Variants in MARCHF11 observed in about 807,000 individuals in gnomAD.
The protein encoded by MARCHF11 is membrane associated ring-CH-type finger 11, also known as E3 ubiquitin-protein ligase MARCHF11.
A neutral mutation model predicts 37.3 loss-of-function variants in MARCHF11; 29 were observed. The observed-to-expected ratio is 0.78, with a 90% confidence interval of 0.58 to 1.06. The LOEUF (loss-of-function observed/expected upper bound fraction) is 1.06, where lower values mean the gene tolerates loss of function less well. Among genes scored for constraint, MARCHF11 ranks in the 50% least tolerant of loss-of-function variants. MARCHF11 has a pLI of 0.00. For missense variants in MARCHF11, 482 were observed against 533.4 expected (o/e 0.90, Z 0.95); for synonymous variants, 233 against 228.0 (o/e 1.02, Z -0.20).
At chr5:16,102,653 C>T (rs1218780225) in intron 2 of MARCHF11, among the ~76,000 whole-genome samples, 1 of 152,228 alleles carries the variant, frequency 6.6e-6, no homozygotes, top group African/African-American at 2.4e-5. Flanking sequence ...CTGAGAGCCA[C>T]TTCCATTGCT....
intron 2 of MARCHF11, among the ~76,000 whole-genome samples, chr5:16,095,721 G>A (rs1001903954): frequency 3.3e-5 from 5 of 152,002 alleles, no homozygotes; most frequent in African/African-American, 9.7e-5. Context: ...AGGATTCTTC[G>A]ATCTGGGCCC....
At chr5:16,171,756 C>G (rs182924453) in intron 2 of MARCHF11, among the ~76,000 whole-genome samples, 113 of 152,078 alleles carry the variant, frequency 7.4e-4, no homozygotes, top group Non-Finnish European at 1.4e-3. Flanking sequence ...CAAATGTTAT[C>G]AAGTGAAGAC....
chr5:16,141,601 A>T (rs1737708942), intron 2 of MARCHF11: 1 of 152,226 alleles, frequency 6.6e-6, no homozygotes, highest in South Asian at 2.1e-4. Context: ...ATCAAATAAA[A>T]ATGTGAGAGA....
At chr5:16,120,641 TG>T (rs1737294807) in intron 2 of MARCHF11, among the ~76,000 whole-genome samples, 1 of 152,238 alleles carries the variant, frequency 6.6e-6, no homozygotes, top group Admixed American at 6.5e-5. Flanking sequence ...ACTGCAAAAC[TG>T]GCCACATGAG....
At chr5:16,142,884 C>CTTTTTTTT (rs61225598) in intron 2 of MARCHF11, among the ~76,000 whole-genome samples, 4 of 52,212 alleles carry the variant, frequency 7.7e-5, no homozygotes, top group African/African-American at 9.2e-5. Flanking sequence ...CCACACCTGG[C>CTTTTTTTT]TTTTTTTTTT....
At chr5:16,157,916 T>C in intron 2 of MARCHF11, among the ~76,000 whole-genome samples, 1 of 151,664 alleles carries the variant, frequency 6.6e-6, no homozygotes, top group African/African-American at 2.4e-5. Context: ...TGAGAGAAAA[T>C]ATTTCCAAAC....
At chr5:16,111,322 A>C (rs193089997) in intron 2 of MARCHF11, among the ~76,000 whole-genome samples, 464 of 152,338 alleles carry the variant, frequency 3.0e-3, no homozygotes, top group Middle Eastern at 0.01. Context: ...GCTTTGACTA[A>C]AATGCCAACA....
At chr5:16,096,915 T>C (rs904174592) in intron 2 of MARCHF11, among the ~76,000 whole-genome samples, 1 of 152,228 alleles carries the variant, frequency 6.6e-6, no homozygotes, top group African/African-American at 2.4e-5. Context: ...GGAATTAGGC[T>C]GAACTCTGAG....
Position 16,179,493 on chromosome 5 carries a change from G to A in MARCHF11, c.83C>T (p.Pro28Leu), listed in dbSNP as rs1738434168. The A allele has an allele frequency of 2.6e-6, 3 of 1,156,954 alleles. No individual in the cohort carries two copies. Among genetic ancestry groups the A allele is most frequent in the African/African-American group, 3.3e-5 (2 of 61,168 alleles). The allele number at this position is 1,156,954 out of a possible 1,614,324, so 71.7% of individuals were successfully genotyped here. The change falls in exon 1 of 4, where the codon CCG (proline) becomes CTG (leucine). Residue 28 changes from proline to leucine, a missense_variant. Transcript: ENST00000332432. ...GDAEPPPQPP[P>L]PPPPTPPPGE... ...CGGCGGCGGCGTCGGCGGCGGCGGC[G>A]GGGGAGGTTGCGGGGGAGGCTCGGC...
At chr5:16,123,824 G>C (rs1429297655) in intron 2 of MARCHF11, among the ~76,000 whole-genome samples, 1 of 152,108 alleles carries the variant, frequency 6.6e-6, no homozygotes. Context: ...GTGCTCCCTT[G>C]CTATATTAAA....
intron 2 of MARCHF11, among the ~76,000 whole-genome samples, chr5:16,115,330 T>C (rs190899574): frequency 9.5e-4 from 144 of 152,320 alleles, no homozygotes; most frequent in African/African-American, 3.3e-3. Context: ...GAATCTCACA[T>C]TGTGGGTGCT....
intron 2 of MARCHF11, among the ~76,000 whole-genome samples, chr5:16,093,419 G>A (rs1560972572): frequency 1.3e-5 from 2 of 152,196 alleles, no homozygotes; most frequent in Non-Finnish European, 2.9e-5. Flanking sequence ...CGTGGTGTCT[G>A]TAGACATAGT....
chr5:16,142,145 G>T (rs984643979), intron 2 of MARCHF11, among the ~76,000 whole-genome samples: 1 of 152,164 alleles, frequency 6.6e-6, no homozygotes, highest in Non-Finnish European at 1.5e-5. Flanking sequence ...TTGAAGGGCT[G>T]GCTTCACTAT....
At chr5:16,113,836 T>C (rs1737186758) in intron 2 of MARCHF11, among the ~76,000 whole-genome samples, 1 of 152,216 alleles carries the variant, frequency 6.6e-6, no homozygotes, top group Non-Finnish European at 1.5e-5. Flanking sequence ...TGCTGTTAAG[T>C]ACAGTCTCCC....
intron 2 of MARCHF11, among the ~76,000 whole-genome samples, chr5:16,116,493 T>C (rs1737228536): frequency 1.3e-5 from 2 of 152,180 alleles, no homozygotes; most frequent in African/African-American, 4.8e-5. Flanking sequence ...AGAATTGTTA[T>C]TACAAGTGAT....
chr5:16,166,999 TTTA>T (rs1738180912), intron 2 of MARCHF11, among the ~76,000 whole-genome samples: 1 of 147,992 alleles, frequency 6.8e-6, no homozygotes, highest in East Asian at 2.0e-4. Context: ...ACGATGTTCA[TTTA>T]CTTATGAACA....
At chr5:16,142,829 T>C (rs1737734656) in intron 2 of MARCHF11, among the ~76,000 whole-genome samples, 1 of 148,758 alleles carries the variant, frequency 6.7e-6, no homozygotes, top group Non-Finnish European at 1.5e-5. Context: ...GTAGCTGAGA[T>C]TACAGACATC....
chr5:16,118,169 G>C (rs905708063), intron 2 of MARCHF11, among the ~76,000 whole-genome samples: 2 of 152,218 alleles, frequency 1.3e-5, no homozygotes, highest in Non-Finnish European at 2.9e-5. Flanking sequence ...GGACGCGCGG[G>C]GGGAAAGGAT....
intron 2 of MARCHF11, among the ~76,000 whole-genome samples, chr5:16,122,913 G>C (rs1055139769): frequency 2.0e-5 from 3 of 152,172 alleles, no homozygotes; most frequent in African/African-American, 7.2e-5. Flanking sequence ...AGCCAGAAAG[G>C]CTGGATTATA....
Sources: gnomAD v4.1 joint callset for allele counts (sites outside exome capture counted in the v4.1 genomes callset) on GRCh38, gnomAD v4.1.1 for gene constraint, MANE v1.5 for transcripts, NCBI Gene and HGNC (gene_info 2026-07-23, HGNC 2026-07-21) for gene names.